Variants in HPSE2 observed in about 807,000 individuals in gnomAD.
HPSE2 encodes the protein heparanase 2 (inactive).
A neutral mutation model predicts 60.5 loss-of-function variants in HPSE2; 38 were observed. That is an observed-to-expected ratio of 0.63 (90% CI 0.48 to 0.82). The LOEUF (loss-of-function observed/expected upper bound fraction) is 0.82, where lower values mean the gene tolerates loss of function less well. Ranked by LOEUF, HPSE2 falls within the 40% of genes least tolerant of loss-of-function variation. The probability of loss-of-function intolerance (pLI) is 0.00; values close to 1 mark genes in which losing one functional copy is unlikely to be tolerated. For missense variants in HPSE2, 713 were observed against 740.4 expected (o/e 0.96, Z 0.43); for synonymous variants, 295 against 293.2 (o/e 1.01, Z -0.06).
At chr10:99,170,253 C>T (rs141754052) in intron 2 of HPSE2, among the ~76,000 whole-genome samples, 59 of 152,312 alleles carry the variant, frequency 3.9e-4, no homozygotes, top group African/African-American at 1.3e-3. Context: ...GCAGAACAAA[C>T]GACACTCTGG....
chr10:98,719,174 T>C (rs1404126644), intron 5 of HPSE2, among the ~76,000 whole-genome samples: 1 of 152,122 alleles, frequency 6.6e-6, no homozygotes, highest in East Asian at 1.9e-4. Context: ...TTAGATGACC[T>C]TAAAATCAGT....
At chr10:99,266,615 C>A in the HPSE2 span, among the ~76,000 whole-genome samples, 1 of 152,102 alleles carries the variant, frequency 6.6e-6, no homozygotes, top group South Asian at 2.1e-4. Context: ...AGGGACCCAC[C>A]CACTGCCTAA....
At chr10:98,726,668 A>AAT (rs1949092095) in intron 4 of HPSE2, among the ~76,000 whole-genome samples, 1 of 129,432 alleles carries the variant, frequency 7.7e-6, no homozygotes, top group Non-Finnish European at 1.7e-5. Context: ...ATAATAATAA[A>AAT]AGAAATATAA....
chr10:98,952,949 T>C (rs1955407422), intron 3 of HPSE2, among the ~76,000 whole-genome samples: 1 of 151,984 alleles, frequency 6.6e-6, no homozygotes, highest in African/African-American at 2.4e-5. Context: ...TATACGAAAT[T>C]AGGGAAGGTG....
chr10:98,551,450 C>T (rs1436975610), intron 9 of HPSE2, among the ~76,000 whole-genome samples: 1 of 152,190 alleles, frequency 6.6e-6, no homozygotes, highest in Admixed American at 6.5e-5. Flanking sequence ...TATCTATTCC[C>T]CACTGGATGC....
the HPSE2 span, among the ~76,000 whole-genome samples, chr10:99,286,291 A>C: frequency 1.3e-5 from 2 of 152,250 alleles, no homozygotes; most frequent in Non-Finnish European, 2.9e-5. Context: ...AGCATTATTC[A>C]CAATAACCTA....
chr10:98,592,121 G>T (rs1432966067), intron 9 of HPSE2, among the ~76,000 whole-genome samples: 2 of 152,204 alleles, frequency 1.3e-5, no homozygotes, highest in East Asian at 3.8e-4. Context: ...CATGCTCAAA[G>T]ACTGCTACAG....
chr10:99,102,948 A>G (rs1382101793), intron 3 of HPSE2, among the ~76,000 whole-genome samples: 1 of 152,042 alleles, frequency 6.6e-6, no homozygotes, highest in Non-Finnish European at 1.5e-5. Flanking sequence ...CATGCTAAAA[A>G]CTCTCAATAC....
chr10:98,601,802 G>A (rs1945434890), intron 9 of HPSE2, among the ~76,000 whole-genome samples: 2 of 152,208 alleles, frequency 1.3e-5, no homozygotes, highest in Admixed American at 1.3e-4. Context: ...CGTTGTTCCT[G>A]TGGGACTCGG....
rs146938500 is a variant in HPSE2, at chr10:98,812,141, G to A, written c.611-68085C>T. ...CATAAATCTATTTAGCACTAGCCAG[G>A]GAAAATGCTATATTAATGTCAGACA... On this transcript the variant is annotated intron_variant, in intron 3 of 11. Transcript: ENST00000370552. 2.0e-5 allele frequency among the ~76,000 whole-genome samples: 3 copies of A among 152,108 alleles called. No homozygotes were observed. In the East Asian group the frequency reaches 5.8e-4, roughly 29 times the overall value.
the HPSE2 span, among the ~76,000 whole-genome samples, chr10:99,269,617 G>A: frequency 3.3e-5 from 5 of 152,046 alleles, no homozygotes; most frequent in Admixed American, 6.6e-5. Flanking sequence ...TTAATGTTAC[G>A]CTAGAACTTA....
At chr10:98,626,266 C>T (rs758016460) in intron 7 of HPSE2, among the ~76,000 whole-genome samples, 2 of 152,120 alleles carry the variant, frequency 1.3e-5, no homozygotes, top group African/African-American at 2.4e-5. Context: ...CCTCCTACCA[C>T]CAGGAAGTTC....
chr10:99,032,838 C>G (rs1347922253), intron 3 of HPSE2, among the ~76,000 whole-genome samples: 1 of 152,186 alleles, frequency 6.6e-6, no homozygotes, highest in Non-Finnish European at 1.5e-5. Flanking sequence ...AGCAACAAGT[C>G]AAGTCCTTCT....
intron 3 of HPSE2, among the ~76,000 whole-genome samples, chr10:99,022,341 G>C (rs1349970760): frequency 6.6e-6 from 1 of 152,134 alleles, no homozygotes; most frequent in African/African-American, 2.4e-5. Context: ...CCAGCTGTCT[G>C]AACTTGAGTG....
At chr10:99,057,436 G>A (rs1958139519) in intron 3 of HPSE2, among the ~76,000 whole-genome samples, 1 of 152,114 alleles carries the variant, frequency 6.6e-6, no homozygotes, top group Non-Finnish European at 1.5e-5. Flanking sequence ...ATTTGTTTGT[G>A]AATATACACA....
At chr10:98,876,229 TA>T (rs1266233368) in intron 3 of HPSE2, among the ~76,000 whole-genome samples, 5 of 150,770 alleles carry the variant, frequency 3.3e-5, no homozygotes, top group East Asian at 3.9e-4. Flanking sequence ...ATTTGAGAAG[TA>T]AAAAAAAAGT....
chr10:99,302,254 A>C, the HPSE2 span, among the ~76,000 whole-genome samples: 1 of 152,156 alleles, frequency 6.6e-6, no homozygotes, highest in Non-Finnish European at 1.5e-5. Flanking sequence ...ACTGACTCTA[A>C]ATATGGGTTT....
the HPSE2 span, among the ~76,000 whole-genome samples, chr10:99,283,549 C>A: frequency 6.6e-6 from 1 of 151,374 alleles, no homozygotes; most frequent in African/African-American, 2.4e-5. Flanking sequence ...AAGGGAAAAT[C>A]AACAATATCA....
intron 3 of HPSE2, among the ~76,000 whole-genome samples, chr10:98,861,531 C>G (rs1282081285): frequency 6.6e-6 from 1 of 152,200 alleles, no homozygotes; most frequent in African/African-American, 2.4e-5. Context: ...GGCTTGAAAA[C>G]TATACCGAAT....
Sources: allele counts gnomAD v4.1 joint callset (sites outside exome capture counted in the v4.1 genomes callset), GRCh38; gene constraint gnomAD v4.1.1; transcripts MANE v1.5; gene names NCBI Gene and HGNC (gene_info 2026-07-23, HGNC 2026-07-21).